GMDS: variants seen among roughly 807,000 people sequenced by gnomAD.
GMDS encodes GDP-mannose 4,6-dehydratase.
Under a neutral mutation model 49.9 loss-of-function variants are expected in GMDS, and 20 were observed. That is an observed-to-expected ratio of 0.40 (90% confidence interval 0.28 to 0.58). The LOEUF (loss-of-function observed/expected upper bound fraction) is 0.58, where lower values mean the gene tolerates loss of function less well. GMDS is among the 20% of genes least tolerant of loss of function. The pLI is 0.42. For synonymous variants in GMDS, 177 were observed against 178.6 expected (o/e 0.99, Z 0.07); for missense variants, 362 against 481.4 (o/e 0.75, Z 2.32).
chr6:1,838,771 T>C (rs1043970410), intron 7 of GMDS, among the ~76,000 whole-genome samples: 12 of 152,226 alleles, frequency 7.9e-5, no homozygotes, highest in African/African-American at 1.4e-4. Flanking sequence ...TTACTTAATA[T>C]AGCCCTATAA....
chr6:2,089,388 G>A (rs1256173162), intron 4 of GMDS, among the ~76,000 whole-genome samples: 3 of 152,014 alleles, frequency 2.0e-5, no homozygotes, highest in Non-Finnish European at 2.9e-5. Flanking sequence ...CTTAACCAGA[G>A]CAACAGAACC....
chr6:2,222,269 G>C (rs1780626870), intron 1 of GMDS, among the ~76,000 whole-genome samples: 1 of 152,190 alleles, frequency 6.6e-6, no homozygotes, highest in African/African-American at 2.4e-5. Context: ...TCTGACTGCA[G>C]AGCTGCTTTC....
intron 6 of GMDS, chr6:1,930,556 T>A (rs1762242343): frequency 4.9e-6 from 1 of 204,196 alleles, no homozygotes; most frequent in Non-Finnish European, 9.7e-6. Flanking sequence ...TGCCAGTTTT[T>A]AAACAGAAAA....
At chr6:1,841,469 T>C (rs1000332748) in intron 7 of GMDS, among the ~76,000 whole-genome samples, 3 of 152,200 alleles carry the variant, frequency 2.0e-5, no homozygotes, top group Non-Finnish European at 4.4e-5. Flanking sequence ...ATGCTAACGT[T>C]TTTGAAATGA....
intron 1 of GMDS, among the ~76,000 whole-genome samples, chr6:2,244,833 T>C (rs1781786147): frequency 6.6e-6 from 1 of 152,206 alleles, no homozygotes; most frequent in African/African-American, 2.4e-5. Flanking sequence ...TATCTGGAAA[T>C]CCGGTGATAG....
At chr6:1,726,587 G>T in intron 8 of GMDS, 75 bp from the exon 9 acceptor site, 1 of 1,035,128 alleles carries the variant, frequency 9.7e-7, no homozygotes, top group Non-Finnish European at 1.5e-6. Context: ...ACCTTGGGAT[G>T]CCCCAGCCCT....
At chr6:1,771,200 C>T (rs1768564160) in intron 7 of GMDS, among the ~76,000 whole-genome samples, 1 of 152,184 alleles carries the variant, frequency 6.6e-6, no homozygotes, top group African/African-American at 2.4e-5. Context: ...TGTCAGCTTC[C>T]AGACAGTCAA....
chr6:1,788,728 T>C (rs1306957579), intron 7 of GMDS, among the ~76,000 whole-genome samples: 2 of 152,370 alleles, frequency 1.3e-5, no homozygotes, highest in East Asian at 3.9e-4. Context: ...TGGAACTCTA[T>C]ATTTTAGGTC....
intron 4 of GMDS, among the ~76,000 whole-genome samples, chr6:2,039,754 CCTT>C (rs1769541013): frequency 2.0e-5 from 3 of 152,078 alleles, no homozygotes; most frequent in Admixed American, 6.6e-5. Flanking sequence ...TATGATAACA[CCTT>C]CTTCTGAAAT....
intron 1 of GMDS, among the ~76,000 whole-genome samples, chr6:2,196,733 TAAAC>T (rs1429875101): frequency 6.6e-6 from 1 of 152,158 alleles, no homozygotes; most frequent in African/African-American, 2.4e-5. Context: ...GAAAAAAAGT[TAAAC>T]AAAAGTACAC....
At chr6:1,962,883 T>C (rs1231831164) in intron 4 of GMDS, among the ~76,000 whole-genome samples, 3 of 150,342 alleles carry the variant, frequency 2.0e-5, no homozygotes, top group African/African-American at 7.3e-5. Flanking sequence ...TTTCTTTCTT[T>C]TTTTTTTTTT....
chr6:2,058,155 C>T (rs1440675014), intron 4 of GMDS, among the ~76,000 whole-genome samples: 3 of 151,954 alleles, frequency 2.0e-5, no homozygotes, highest in Non-Finnish European at 2.9e-5. Flanking sequence ...GGTCAGGGTC[C>T]GAGACCATTC....
At position 1,836,617 on chromosome 6, in the gene GMDS, G is replaced by A. The variant is rs559649745; in HGVS notation, c.771+93486C>T. 2.6e-5 allele frequency among the ~76,000 whole-genome samples: 4 copies of A among 152,268 alleles called. No homozygotes were observed. The East Asian group carries it at 5.8e-4, about 22-fold the overall frequency. ...TCAGTTTGCAGAAAAATATTCTTAC[G>A]AAAATAGTCCATAAAAGGGAGATTG... On this transcript the variant is annotated intron_variant, in intron 7 of 10. Transcript: ENST00000380815. This position sits in a 1 kb window ranked among gnomAD's most constrained non-coding sequence, Gnocchi z 4.2.
At chr6:2,238,962 T>C (rs1781491080) in intron 1 of GMDS, among the ~76,000 whole-genome samples, 3 of 152,238 alleles carry the variant, frequency 2.0e-5, no homozygotes, top group African/African-American at 7.2e-5. Context: ...ACAACTCATA[T>C]GAATTTCTTC....
intron 8 of GMDS, among the ~76,000 whole-genome samples, 190 bp downstream of exon 8, chr6:1,742,278 C>T (rs1315087334): frequency 3.3e-5 from 5 of 152,010 alleles, no homozygotes; most frequent in African/African-American, 4.8e-5. Flanking sequence ...AGATGCTGAC[C>T]AACATCTGAC....
At chr6:1,889,938 T>C (rs1468137250) in intron 7 of GMDS, among the ~76,000 whole-genome samples, 1 of 152,196 alleles carries the variant, frequency 6.6e-6, no homozygotes, top group Non-Finnish European at 1.5e-5. Context: ...GCAGTGTCCA[T>C]TAGTGCTTTT....
At chr6:2,243,843 CTTTTTTTTTTT>C (rs68171156) in intron 1 of GMDS, among the ~76,000 whole-genome samples, 14 of 58,150 alleles carry the variant, frequency 2.4e-4, no homozygotes, top group South Asian at 2.1e-3. Context: ...ACTTCTCCTT[CTTTTTTTTTTT>C]TTTTTTTTTT....
chr6:2,221,080 C>T (rs1408003805), intron 1 of GMDS, among the ~76,000 whole-genome samples: 1 of 152,108 alleles, frequency 6.6e-6, no homozygotes, highest in Non-Finnish European at 1.5e-5. Context: ...GTAATGTACT[C>T]CTCAGGAGAC....
chr6:2,038,312 C>T lies in GMDS; in HGVS notation c.346-77346G>A, dbSNP rs142031255. The stretch of plus-strand genomic sequence containing the variant: ...CTAAGTGAAGTGGTTAACCCACATC[C>T]CTTCCCCACTGATAAAGTGCTTTGA... On this transcript the variant is annotated intron_variant, in intron 4 of 10. Coordinates refer to ENST00000380815, the MANE Select transcript of GMDS (RefSeq NM_001500.4). Among the ~76,000 whole-genome samples the T allele has an allele frequency of 5.0e-3, 755 of 152,290 alleles. 6 individuals carry two copies. The highest frequency in any genetic ancestry group is 7.8e-3 in the Non-Finnish European group (528 of 68,018).
Sources: allele counts gnomAD v4.1 joint callset (sites outside exome capture counted in the v4.1 genomes callset), GRCh38; gene constraint gnomAD v4.1.1; non-coding constraint Gnocchi (gnomAD v3.1); transcripts MANE v1.5; gene names NCBI Gene and HGNC (gene_info 2026-07-23, HGNC 2026-07-21).